The following ZNF385D variants were observed in gnomAD, a reference collection of about 807,000 sequenced individuals.
ZNF385D encodes the protein zinc finger protein 659.
A neutral mutation model predicts 35.8 loss-of-function variants in ZNF385D; 15 were observed. The ratio of observed to expected loss-of-function variants is 0.42; its 90% CI spans 0.28 to 0.64. The LOEUF is 0.64. Among genes scored for constraint, ZNF385D ranks in the 30% least tolerant of loss-of-function variants. The pLI is 0.23. For missense variants in ZNF385D, 474 were observed against 494.6 expected (o/e 0.96, Z 0.39); for synonymous variants, 212 against 186.8 (o/e 1.13, Z -1.10).
At chr3:22,161,344 G>C (rs926647895) in intron 3 of ZNF385D, among the ~76,000 whole-genome samples, 3 of 151,694 alleles carry the variant, frequency 2.0e-5, no homozygotes, top group African/African-American at 4.8e-5. Flanking sequence ...AGAATGTTGG[G>C]GACTTTTAAT....
At chr3:22,039,130 G>T (rs1698510122) in intron 3 of ZNF385D, among the ~76,000 whole-genome samples, 1 of 151,094 alleles carries the variant, frequency 6.6e-6, no homozygotes, top group Non-Finnish European at 1.5e-5. Flanking sequence ...GAAGCATATA[G>T]CAAAACTATG....
rs368198848 is a variant in ZNF385D, at chr3:22,081,142, C to A, written c.325+87675G>T. Among the ~76,000 whole-genome samples the A allele has an allele frequency of 5.9e-5, 9 of 152,298 alleles. No homozygotes were observed. In the South Asian group the frequency reaches 1.9e-3, roughly 32 times the overall value. ...TGTCTCCTATATCCACTACATTTCT[C>A]TACAAAATGTAATAAATGTTCAATC... On this transcript the variant is annotated intron_variant, in intron 3 of 5. Coordinates refer to the ZNF385D transcript ENST00000494108.
chr3:21,985,076 T>C (rs1374521596), intron 3 of ZNF385D, among the ~76,000 whole-genome samples: 152 of 142,260 alleles, frequency 1.1e-3, no homozygotes, highest in African/African-American at 3.7e-3. Context: ...GCTGAGACAA[T>C]GGGGTTTTCT....
At chr3:22,123,962 C>CTCTCTCTCTATA (rs1491571691) in intron 3 of ZNF385D, among the ~76,000 whole-genome samples, 1 of 61,848 alleles carries the variant, frequency 1.6e-5, no homozygotes, top group Non-Finnish European at 3.1e-5. Context: ...CTCTCTCTCT[C>CTCTCTCTCTATA]TATATATATA....
At position 22,259,970 on chromosome 3, in the gene ZNF385D, T is replaced by C. The variant is rs564214006; in HGVS notation, c.107-90935A>G. 3.9e-4 allele frequency among the ~76,000 whole-genome samples: 59 copies of C among 152,106 alleles called. 2 individuals are homozygous for C. The South Asian group carries it at 0.011, about 29-fold the overall frequency. On this transcript the variant is annotated intron_variant, in intron 2 of 5. Coordinates refer to the ZNF385D transcript ENST00000494108. The stretch of plus-strand genomic sequence containing the variant: ...AAATGTACATAAAAGAGAAAAGGAT[T>C]GTTAGGACACGAAAAGGTCATAAGC...
intron 2 of ZNF385D, among the ~76,000 whole-genome samples, chr3:22,274,101 C>G (rs536342131): frequency 6.6e-6 from 1 of 151,804 alleles, no homozygotes; most frequent in African/African-American, 2.4e-5. Context: ...TTGAATCTAA[C>G]CCCTTCTCCT....
intron 3 of ZNF385D, among the ~76,000 whole-genome samples, chr3:21,965,223 G>A (rs981684996): frequency 1.1e-4 from 17 of 152,238 alleles, no homozygotes; most frequent in African/African-American, 3.9e-4. Flanking sequence ...TCTGCAAAAT[G>A]GGTTTAAGGA....
intron 4 of ZNF385D, among the ~76,000 whole-genome samples, chr3:21,455,963 C>T (rs1023487258): frequency 6.6e-6 from 1 of 152,130 alleles, no homozygotes; most frequent in African/African-American, 2.4e-5. Flanking sequence ...GACATTTATG[C>T]AGCCAAAAGA....
At chr3:22,281,494 C>A (rs1701738488) in intron 2 of ZNF385D, among the ~76,000 whole-genome samples, 1 of 152,044 alleles carries the variant, frequency 6.6e-6, no homozygotes, top group African/African-American at 2.4e-5. Flanking sequence ...TTGAAATAAT[C>A]ATGTGATTTT....
chr3:22,128,671 C>A (rs771705284), intron 3 of ZNF385D, among the ~76,000 whole-genome samples: 1 of 152,080 alleles, frequency 6.6e-6, no homozygotes, highest in Non-Finnish European at 1.5e-5. Flanking sequence ...CTGTTGCATT[C>A]TTCAATTTGT....
intron 3 of ZNF385D, among the ~76,000 whole-genome samples, chr3:22,163,540 T>G (rs978867839): frequency 2.1e-5 from 3 of 144,184 alleles, no homozygotes; most frequent in African/African-American, 8.8e-5. Flanking sequence ...TTATTCAAGT[T>G]TTTTTTGTAG....
intron 4 of ZNF385D, among the ~76,000 whole-genome samples, chr3:21,506,564 T>G (rs233161): frequency 0.18 from 26,833 of 152,128 alleles, 2,417 homozygotes; most frequent in Admixed American, 0.26. Context: ...TAGTTACACT[T>G]GCCTAGTTAC....
At chr3:21,706,755 C>T (rs11718462) in intron 1 of ZNF385D, among the ~76,000 whole-genome samples, 1,709 of 152,202 alleles carry the variant, frequency 0.011, 12 homozygotes, top group Non-Finnish European at 0.019. Context: ...CAGAGCACCA[C>T]ATCACCTAAC....
intron 3 of ZNF385D, among the ~76,000 whole-genome samples, chr3:21,844,412 G>A (rs117236206): frequency 1.4e-5 from 2 of 139,962 alleles, no homozygotes; most frequent in East Asian, 3.9e-4. Context: ...TTGATGATTA[G>A]CCATTATAGA....
chr3:21,487,309 T>C (rs1404264590), intron 4 of ZNF385D, among the ~76,000 whole-genome samples: 1 of 151,850 alleles, frequency 6.6e-6, no homozygotes, highest in Non-Finnish European at 1.5e-5. Flanking sequence ...TTTTTCTAAA[T>C]GCAGTTCACA....
intron 2 of ZNF385D, among the ~76,000 whole-genome samples, chr3:22,283,665 C>T (rs546619107): frequency 1.2e-4 from 18 of 152,054 alleles, no homozygotes; most frequent in Non-Finnish European, 1.5e-4. Flanking sequence ...TCTGAAATCA[C>T]GGGTAATAGT....
At chr3:21,528,996 G>A (rs1280268021) in intron 3 of ZNF385D, among the ~76,000 whole-genome samples, 10 of 152,202 alleles carry the variant, frequency 6.6e-5, no homozygotes, top group Admixed American at 2.0e-4. Flanking sequence ...AGAAAGACTA[G>A]AGTAAAGTAA....
intron 1 of ZNF385D, among the ~76,000 whole-genome samples, chr3:21,720,675 C>T (rs369685024): frequency 1.3e-5 from 2 of 152,288 alleles, no homozygotes; most frequent in Admixed American, 6.5e-5. Flanking sequence ...CTGCAAATTC[C>T]GGTTTGAGAA....
chr3:22,162,939 G>T (rs551962112), intron 3 of ZNF385D, among the ~76,000 whole-genome samples: 28 of 152,258 alleles, frequency 1.8e-4, no homozygotes, highest in East Asian at 3.9e-4. Flanking sequence ...GTGGGCTGGA[G>T]ATCTATACCT....
Sources: gnomAD v4.1 joint callset for allele counts (sites outside exome capture counted in the v4.1 genomes callset) on GRCh38, gnomAD v4.1.1 for gene constraint, MANE v1.5 for transcripts, NCBI Gene and HGNC (gene_info 2026-07-23, HGNC 2026-07-21) for gene names.